Variants in PRKN observed in about 807,000 individuals in gnomAD.
The protein encoded by PRKN is parkin RBR E3 ubiquitin protein ligase.
In PRKN, 56 loss-of-function variants were observed where a neutral mutation model predicts 59.5. The observed-to-expected ratio is 0.94, with a 90% confidence interval of 0.76 to 1.18. The LOEUF (loss-of-function observed/expected upper bound fraction) is 1.18, where lower values mean the gene tolerates loss of function less well. Ranked by LOEUF, PRKN falls within the 50% of genes most tolerant of loss-of-function variation. PRKN has a pLI of 0.00. For synonymous variants in PRKN, 250 were observed against 222.1 expected (o/e 1.13, Z -1.12); for missense variants, 657 against 596.4 (o/e 1.10, Z -1.06).
intron 9 of PRKN, among the ~76,000 whole-genome samples, chr6:161,418,645 C>T (rs1042286507): frequency 1.3e-5 from 2 of 152,158 alleles, no homozygotes; most frequent in African/African-American, 4.8e-5. Context: ...GCTAAAATAA[C>T]AAGCATGTTT....
At chr6:162,609,147 T>A (rs915313503) in intron 1 of PRKN, among the ~76,000 whole-genome samples, 7 of 152,218 alleles carry the variant, frequency 4.6e-5, no homozygotes, top group Non-Finnish European at 1.0e-4. Flanking sequence ...CCCTTTCATG[T>A]ACAGAAGATA....
intron 9 of PRKN, among the ~76,000 whole-genome samples, chr6:161,394,380 T>A (rs148225724): frequency 4.6e-4 from 70 of 152,210 alleles, no homozygotes; most frequent in African/African-American, 1.5e-3. Flanking sequence ...CTTTCACAAA[T>A]TCTGTACTAA....
In PRKN at chr6:162,163,176, T is replaced by C. The variant is rs183317923; in HGVS notation, c.534+37955A>G. On this transcript the variant is annotated intron_variant, in intron 4 of 11. Transcript: ENST00000366898. ...AGACAGTGATGCCAGTGTCTCTAAC[T>C]TCCTGTATATGCCACGCTAGTTTCT... 3.5e-3 allele frequency among the ~76,000 whole-genome samples: 518 copies of C among 149,354 alleles called. 49 individuals are homozygous for C. The highest frequency in any genetic ancestry group is 0.012 in the African/African-American group (495 of 39,800).
intron 2 of PRKN, among the ~76,000 whole-genome samples, chr6:162,420,239 T>C (rs1277992179): frequency 7.4e-6 from 1 of 134,500 alleles, no homozygotes; most frequent in Non-Finnish European, 1.6e-5. Context: ...ACCTAGATTC[T>C]TCACATGTAC....
chr6:161,878,038 C>T (rs1418133125), intron 6 of PRKN, among the ~76,000 whole-genome samples: 1 of 152,122 alleles, frequency 6.6e-6, no homozygotes, highest in East Asian at 1.9e-4. Context: ...GGGTCAGCCT[C>T]TTCCTCTCTG....
intron 4 of PRKN, among the ~76,000 whole-genome samples, chr6:162,179,876 A>G (rs1428985646): frequency 1.3e-5 from 2 of 151,136 alleles, no homozygotes; most frequent in African/African-American, 2.4e-5. Flanking sequence ...TGAAACTTAA[A>G]TATCTATTTA....
rs572759880 is a variant in PRKN, at chr6:162,172,843, T to C, written c.534+28288A>G. On this transcript the variant is annotated intron_variant, in intron 4 of 11. Transcript: ENST00000366898. ...AATGGGTGCCTCGGTGGTATCTCCA[T>C]GAAATCTAACCCATCAGAGGCAGAT... is the stretch of plus-strand genomic sequence containing the variant. Among the ~76,000 whole-genome samples, 4 of 152,208 alleles carry C rather than the reference T, an allele frequency of 2.6e-5. No individual in the cohort carries two copies. In the South Asian group the frequency reaches 6.2e-4, roughly 24 times the overall value.
intron 4 of PRKN, among the ~76,000 whole-genome samples, chr6:162,149,567 AAATCAAGTCAAGATGG>A (rs1782174949): frequency 6.6e-6 from 1 of 152,126 alleles, no homozygotes; most frequent in Admixed American, 6.5e-5. Context: ...TTTCAAAGTA[AAATCAAGTCAAGATGG>A]AAACCAGGAA....
chr6:162,040,239 G>A (rs1304093514), intron 5 of PRKN, among the ~76,000 whole-genome samples: 1 of 152,140 alleles, frequency 6.6e-6, no homozygotes, highest in Non-Finnish European at 1.5e-5. Flanking sequence ...CATTTACAAT[G>A]TTGTTTGGGG....
At chr6:161,973,590 G>C (rs1211639353) in intron 5 of PRKN, among the ~76,000 whole-genome samples, 173 bp from the exon 6 acceptor site, 1 of 152,212 alleles carries the variant, frequency 6.6e-6, no homozygotes, top group African/African-American at 2.4e-5. Flanking sequence ...TTGTGCCAAA[G>C]TGGTCAACAA....
At chr6:161,999,024 C>T (rs1220811089) in intron 5 of PRKN, among the ~76,000 whole-genome samples, 1 of 152,016 alleles carries the variant, frequency 6.6e-6, no homozygotes, top group Non-Finnish European at 1.5e-5. Flanking sequence ...CACACAAAAA[C>T]ATTTGATAGA....
intron 6 of PRKN, among the ~76,000 whole-genome samples, chr6:161,965,020 A>G (rs1480522353): frequency 6.6e-6 from 1 of 152,066 alleles, no homozygotes; most frequent in Non-Finnish European, 1.5e-5. Flanking sequence ...AATTGTAACT[A>G]AGATCTCCAT....
At chr6:162,146,281 G>A (rs1033666329) in intron 4 of PRKN, among the ~76,000 whole-genome samples, 1 of 152,068 alleles carries the variant, frequency 6.6e-6, no homozygotes, top group African/African-American at 2.4e-5. Context: ...CAACTCCAAA[G>A]CCTCTCTACC....
chr6:162,621,046 C>T (rs148780869), intron 1 of PRKN, among the ~76,000 whole-genome samples: 1 of 152,262 alleles, frequency 6.6e-6, no homozygotes, highest in East Asian at 1.9e-4. Flanking sequence ...ATTTTAGTCT[C>T]ATTGGAAGCT....
chr6:161,385,570 T>A lies in PRKN; in HGVS notation c.1167+1224A>T, dbSNP rs1303739776. ...CTCTTCTTTCCCTTACAGCTACTGT[T>A]TCCAAATAAATACTGTAGATGCCAG... On this transcript the variant is annotated intron_variant, in intron 10 of 11. Coordinates refer to ENST00000366898, the MANE Select transcript of PRKN (RefSeq NM_004562.3). The surrounding 1 kb of genome is among the most constrained non-coding windows in gnomAD (Gnocchi z 4.9). 6.6e-6 allele frequency among the ~76,000 whole-genome samples: 1 copy of A among 152,202 alleles called. No homozygotes were observed. Among genetic ancestry groups the A allele is most frequent in the Non-Finnish European group, 1.5e-5 (1 of 68,044 alleles).
intron 5 of PRKN, among the ~76,000 whole-genome samples, chr6:161,990,112 C>T (rs1165171183): frequency 6.6e-6 from 1 of 152,156 alleles, no homozygotes; most frequent in African/African-American, 2.4e-5. Context: ...ACTGCCAGCA[C>T]ATAAGCAGAC....
At chr6:162,705,427 T>C (rs1379878192) in intron 1 of PRKN, among the ~76,000 whole-genome samples, 1 of 152,162 alleles carries the variant, frequency 6.6e-6, no homozygotes, top group Non-Finnish European at 1.5e-5. Context: ...TCAAGAGGAA[T>C]CTGGTAGAGC....
intron 9 of PRKN, among the ~76,000 whole-genome samples, chr6:161,528,264 A>C (rs1213832250): frequency 6.6e-6 from 1 of 152,152 alleles, no homozygotes; most frequent in Non-Finnish European, 1.5e-5. Flanking sequence ...CCAGCTACAA[A>C]TATCTCCTGA....
chr6:161,694,641 A>G (rs531765471), intron 7 of PRKN, among the ~76,000 whole-genome samples: 136 of 152,332 alleles, frequency 8.9e-4, no homozygotes, highest in South Asian at 1.9e-3. Flanking sequence ...AACTGGATGC[A>G]CATCTATCTA....
Sources: gnomAD v4.1 joint callset for allele counts (sites outside exome capture counted in the v4.1 genomes callset) on GRCh38, gnomAD v4.1.1 for gene constraint, Gnocchi (gnomAD v3.1) non-coding constraint, MANE v1.5 for transcripts, NCBI Gene and HGNC (gene_info 2026-07-23, HGNC 2026-07-21) for gene names.